RILPL2: variants seen among roughly 807,000 people sequenced by gnomAD.
RILPL2 encodes the protein Rab interacting lysosomal protein like 2.
Under a neutral mutation model 22.2 loss-of-function variants are expected in RILPL2, and 19 were observed. That is an observed-to-expected ratio of 0.86 (90% CI 0.60 to 1.25). RILPL2 has a LOEUF of 1.25. RILPL2 is among the 50% of genes most tolerant of loss of function. The pLI, the probability that RILPL2 is intolerant of heterozygous loss-of-function variation, is 0.00. For synonymous variants in RILPL2, 123 were observed against 111.6 expected (o/e 1.10, Z -0.64); for missense variants, 243 against 263.6 (o/e 0.92, Z 0.54).
In RILPL2 at chr12:123,422,950, C is replaced by T. The variant is rs928169502; in HGVS notation, c.605+94G>A. The T allele has an allele frequency of 3.5e-6, 3 of 862,848 alleles. No homozygotes were observed. The African/African-American group carries it at 5.0e-5, about 14-fold the overall frequency. The allele number at this position is 862,848 out of a possible 1,614,324, so 53.4% of individuals were successfully genotyped here. ...CACAACCGGGAGAGTAGAGGCCCTC[C>T]CTGCCCTGGGCAGCTGGTCAGCCTC... On this transcript the variant is annotated intron_variant, in intron 3 of 3. Coordinates refer to ENST00000280571, the MANE Select transcript of RILPL2 (RefSeq NM_145058.3).
intron 3 of RILPL2, among the ~76,000 whole-genome samples, chr12:123,418,398 G>A (rs142249331): frequency 9.9e-5 from 15 of 151,948 alleles, no homozygotes; most frequent in South Asian, 2.1e-4. Flanking sequence ...TCTCTCTCCC[G>A]TTCTGTCCCC....
chr12:123,422,895 G>T, intron 3 of RILPL2, 149 bp downstream of exon 3: 4 of 628,524 alleles, frequency 6.4e-6, no homozygotes, highest in East Asian at 5.4e-5. Flanking sequence ...ATAATACACT[G>T]GCATTGAGTT....
At position 123,430,568 on chromosome 12, in the gene RILPL2, T is replaced by C. The variant is rs759060677; in HGVS notation, c.431A>G (p.Glu144Gly). 12 of 1,613,138 alleles carry C rather than the reference T, an allele frequency of 7.4e-6. No homozygotes were observed. The South Asian group carries it at 9.9e-5, about 13-fold the overall frequency. Reference protein sequence around the residue: ...TLQELRDVLQERNKLKSQLLV... With the variant: ...TLQELRDVLQGRNKLKSQLLV... ...GAGCTGCGACTTGAGTTTGTTGCGT[T>C]CCTGCAGCACATCCCTTAGCTCCTG... Residue 144 changes from glutamate to glycine, a missense_variant, in exon 2 of 4, where the codon GAA becomes GGA. Coordinates refer to ENST00000280571, the MANE Select transcript of RILPL2 (RefSeq NM_145058.3).
At chr12:123,431,938 A>G (rs1405436439) in intron 1 of RILPL2, among the ~76,000 whole-genome samples, 1 of 151,162 alleles carries the variant, frequency 6.6e-6, no homozygotes, top group Non-Finnish European at 1.5e-5. Context: ...TCTGTTGCCC[A>G]GGCTGGAGTG....
downstream of RILPL2, chr12:123,411,267 C>T (rs1189575641): frequency 6.6e-6 from 1 of 151,870 alleles, no homozygotes; most frequent in African/African-American, 2.4e-5. Flanking sequence ...GGTCTCCTGA[C>T]CTCGTGATCT....
chr12:123,426,610 T>C (rs1037239896), intron 2 of RILPL2, among the ~76,000 whole-genome samples: 3 of 152,142 alleles, frequency 2.0e-5, no homozygotes, highest in Admixed American at 1.3e-4. Flanking sequence ...CTTTCTTTTT[T>C]TTCTTTTTTT....
At chr12:123,430,086 A>C (rs189602827) in intron 2 of RILPL2, among the ~76,000 whole-genome samples, 78 of 103,680 alleles carry the variant, frequency 7.5e-4, no homozygotes, top group African/African-American at 2.8e-3. Flanking sequence ...ACTGGGCGAC[A>C]GGGTGAGACC....
Position 123,415,434 on chromosome 12 carries a change from A to G in RILPL2, c.*457T>C, listed in dbSNP as rs1435831500. 1 of 172,560 alleles carries G rather than the reference A, an allele frequency of 5.8e-6. No homozygotes were observed. Among genetic ancestry groups the G allele is most frequent in the African/African-American group, 2.4e-5 (1 of 41,922 alleles). 10.7% of individuals were successfully genotyped at this position (172,560 alleles called of 1,614,324 possible). A position where few individuals can be genotyped will look rare whatever the true frequency, so the allele number is the denominator to read the frequency against. On this transcript the variant is annotated 3_prime_UTR_variant, in exon 4 of 4. Transcript: ENST00000280571. ...ACTTTAATACAAAATCACATAAAGA[A>G]AGGCATGTTGGCTAAATCAAATATT...
Position 123,436,623 on chromosome 12 carries a change from C to T in RILPL2, c.-203G>A, listed in dbSNP as rs1879815455. ...GCGCCCCGGCGCACCGTCCCCGCTG[C>T]CAGCCACGCTGGAGAGTGCGCTCCA... is the stretch of plus-strand genomic sequence containing the variant. On this transcript the variant is annotated 5_prime_UTR_variant, in exon 1 of 4. Coordinates refer to ENST00000280571, the MANE Select transcript of RILPL2 (RefSeq NM_145058.3). This position sits in a 1 kb window ranked among gnomAD's most constrained non-coding sequence, Gnocchi z 6.7. The T allele has an allele frequency of 1.3e-5, 11 of 834,220 alleles. No homozygotes were observed. The East Asian group carries it at 3.0e-4, about 23-fold the overall frequency. 51.7% of individuals were successfully genotyped at this position (834,220 alleles called of 1,614,324 possible).
chr12:123,430,495 C>A lies in RILPL2; in HGVS notation c.491+13G>T, dbSNP rs1372189411. On this transcript the variant is annotated intron_variant, in intron 2 of 3. Coordinates refer to ENST00000280571, the MANE Select transcript of RILPL2 (RefSeq NM_145058.3). The stretch of plus-strand genomic sequence containing the variant: ...AGGTCTGGGTGCAGGACCCTCCAGG[C>A]AGTGGAGCCCACCTCTTGTAGCACT... The A allele has an allele frequency of 2.5e-6, 4 of 1,598,574 alleles. No homozygotes were observed. Among genetic ancestry groups the A allele is most frequent in the Non-Finnish European group, 3.4e-6 (4 of 1,171,182 alleles).
chr12:123,427,200 G>A (rs1394135589), intron 2 of RILPL2, among the ~76,000 whole-genome samples: 2 of 152,166 alleles, frequency 1.3e-5, no homozygotes, highest in African/African-American at 4.8e-5. Flanking sequence ...GCTGTGCACA[G>A]CTGGGGCTGT....
At chr12:123,416,844 G>A (rs1180242404) in intron 3 of RILPL2, among the ~76,000 whole-genome samples, 1 of 152,142 alleles carries the variant, frequency 6.6e-6, no homozygotes, top group African/African-American at 2.4e-5. Context: ...CTAAGCTCCC[G>A]TAGAAGGACG....
rs1057240677 is a variant in RILPL2, at chr12:123,422,262, C to A, written c.605+782G>T. ...AATTGGCCAGGCGCAGTGGCTCATG[C>A]CTGTAATCCCAGCACTTTGGGAGGC... is the stretch of plus-strand genomic sequence containing the variant. On this transcript the variant is annotated intron_variant, in intron 3 of 3. Coordinates refer to ENST00000280571, the MANE Select transcript of RILPL2 (RefSeq NM_145058.3). Among the ~76,000 whole-genome samples the A allele has an allele frequency of 2.0e-5, 3 of 151,666 alleles. No individual in the cohort carries two copies. In the East Asian group the frequency reaches 5.8e-4, roughly 29 times the overall value.
At chr12:123,435,973 A>T in intron 1 of RILPL2, 109 bp downstream of exon 1, 1 of 1,414,852 alleles carries the variant, frequency 7.1e-7, no homozygotes, top group South Asian at 1.5e-5. Flanking sequence ...TAAAAAAAGA[A>T]AAAAGAGAAA....
intron 3 of RILPL2, among the ~76,000 whole-genome samples, chr12:123,422,833 C>T (rs1244860999): frequency 6.6e-6 from 1 of 152,104 alleles, no homozygotes; most frequent in African/African-American, 2.4e-5. Flanking sequence ...TGTGATGATT[C>T]GATGAATTAA....
Position 123,415,938 on chromosome 12 carries a change from G to A in RILPL2, c.606-17C>T. On this transcript the variant is annotated splice_polypyrimidine_tract_variant and intron_variant, in intron 3 of 3. Coordinates refer to ENST00000280571, the MANE Select transcript of RILPL2 (RefSeq NM_145058.3). ...AAAAAGAACCTGGTGTGGAGAGAGA[G>A]AGGGTTCAGGGTAAGCAGAAGGAAC... 2 of 1,614,084 alleles carry A rather than the reference G, an allele frequency of 1.2e-6. No individual in the cohort carries two copies. Among genetic ancestry groups the A allele is most frequent in the Non-Finnish European group, 1.7e-6 (2 of 1,179,944 alleles).
chr12:123,425,183 A>T (rs545186269), intron 2 of RILPL2, among the ~76,000 whole-genome samples: 42 of 147,852 alleles, frequency 2.8e-4, no homozygotes, highest in Non-Finnish European at 4.9e-4. Context: ...CCTTATTATT[A>T]TTTTTTTTTT....
chr12:123,420,078 G>A (rs1879237370), intron 3 of RILPL2, among the ~76,000 whole-genome samples: 2 of 145,692 alleles, frequency 1.4e-5, no homozygotes, highest in South Asian at 4.4e-4. Flanking sequence ...AGGCTGGAGT[G>A]CAGTGGTGTG....
chr12:123,423,688 C>T (rs1317623575), intron 2 of RILPL2, among the ~76,000 whole-genome samples: 3 of 149,948 alleles, frequency 2.0e-5, no homozygotes, highest in Admixed American at 6.7e-5. Flanking sequence ...GATTCTCGCT[C>T]TGTTGCCCAG....
Sources: gnomAD v4.1 joint callset for allele counts (sites outside exome capture counted in the v4.1 genomes callset) on GRCh38, gnomAD v4.1.1 for gene constraint, Gnocchi (gnomAD v3.1) non-coding constraint, MANE v1.5 for transcripts, NCBI Gene and HGNC (gene_info 2026-07-23, HGNC 2026-07-21) for gene names.